Variants in ZFHX3 observed in about 807,000 individuals in gnomAD.
ZFHX3 encodes the protein zinc finger homeobox protein 3.
Under a neutral mutation model 279.1 loss-of-function variants are expected in ZFHX3, and 42 were observed. That is an observed-to-expected ratio of 0.15 (90% CI 0.12 to 0.19). ZFHX3 has a LOEUF of 0.19. Among genes scored for constraint, ZFHX3 ranks in the 10% least tolerant of loss-of-function variants. The probability of loss-of-function intolerance (pLI) is 1.00; values close to 1 mark genes in which losing one functional copy is unlikely to be tolerated. For synonymous variants in ZFHX3, 2,293 were observed against 1,957.8 expected (o/e 1.17, Z -4.52); for missense variants, 4,981 against 4,754.0 (o/e 1.05, Z -1.40).
At chr16:73,680,839 G>A (rs533397122) in intron 1 of ZFHX3, among the ~76,000 whole-genome samples, 9 of 152,296 alleles carry the variant, frequency 5.9e-5, no homozygotes, top group East Asian at 3.9e-4. Context: ...TCATCTGTGC[G>A]TGTGAGTGGG....
At chr16:73,046,704 C>T (rs1441975719) in intron 1 of ZFHX3, among the ~76,000 whole-genome samples, 1 of 152,134 alleles carries the variant, frequency 6.6e-6, no homozygotes, top group Non-Finnish European at 1.5e-5. Context: ...GATCTCAAAG[C>T]ATAGAGAGAA....
At chr16:73,075,373 C>T (rs919952489) in intron 8 of ZFHX3, among the ~76,000 whole-genome samples, 1 of 152,036 alleles carries the variant, frequency 6.6e-6, no homozygotes, top group Non-Finnish European at 1.5e-5. Flanking sequence ...TACTGCTGAG[C>T]CTGTGGGCTG....
At chr16:73,857,887 G>A (rs139970318) in intron 1 of ZFHX3, among the ~76,000 whole-genome samples, 111 of 152,162 alleles carry the variant, frequency 7.3e-4, no homozygotes, top group Non-Finnish European at 1.0e-3. Context: ...TGGATGGATC[G>A]CTTGAGGTCA....
At chr16:72,909,396 T>C (rs2039262519) in intron 3 of ZFHX3, among the ~76,000 whole-genome samples, 1 of 152,190 alleles carries the variant, frequency 6.6e-6, no homozygotes, top group Admixed American at 6.5e-5. Flanking sequence ...AATGGCTGGC[T>C]GTATTCCCTC....
chr16:73,373,144 G>T (rs1001574762), intron 3 of ZFHX3, among the ~76,000 whole-genome samples: 3 of 728 alleles, frequency 4.1e-3, no homozygotes, highest in Non-Finnish European at 9.0e-3. Flanking sequence ...AGGAGGTTTG[G>T]GGGGGGGGTG....
chr16:73,761,314 A>G (rs555823578), intron 1 of ZFHX3, among the ~76,000 whole-genome samples: 1 of 152,220 alleles, frequency 6.6e-6, no homozygotes, highest in South Asian at 2.1e-4. Flanking sequence ...AACTACAAAC[A>G]ACTGCTCAAG....
intron 2 of ZFHX3, among the ~76,000 whole-genome samples, chr16:73,618,016 A>C (rs2052322728): frequency 6.6e-6 from 1 of 152,184 alleles, no homozygotes; most frequent in Non-Finnish European, 1.5e-5. Context: ...TCATTAACTA[A>C]TGTTCAGGCA....
intron 3 of ZFHX3, among the ~76,000 whole-genome samples, chr16:73,382,822 T>C (rs559879835): frequency 6.6e-6 from 1 of 152,308 alleles, no homozygotes; most frequent in South Asian, 2.1e-4. Flanking sequence ...TGTGTGTCTC[T>C]GGTTGATGAA....
At chr16:73,480,185 A>G (rs1044977076) in intron 2 of ZFHX3, among the ~76,000 whole-genome samples, 26 of 149,870 alleles carry the variant, frequency 1.7e-4, no homozygotes, top group African/African-American at 4.4e-4. Flanking sequence ...TTCCTTCAGC[A>G]TTTGAAATGT....
chr16:72,798,510 A>G lies in ZFHX3; in HGVS notation c.4172T>C (p.Leu1391Pro). Residue 1391 changes from leucine to proline, a missense_variant, in exon 9 of 10, where the codon CTG becomes CCG. Physicochemically the swap from Leu to Pro is moderately conservative, Grantham distance 98. This residue lies in a region of ZFHX3 where 1,751 missense variants were observed against 1,770.0 expected (regional missense o/e 0.99). Transcript: ENST00000268489. ...GTACACATGGCGATCTGACACCGGC[A>G]GCTGAGGCCTCTTGGCATGCACTTC... ...FNEVHAKRPQ[L>P]PVSDRHVYKY... The G allele has an allele frequency of 1.2e-6, 2 of 1,614,244 alleles. No homozygotes were observed. The highest frequency in any genetic ancestry group is 1.7e-6 in the Non-Finnish European group (2 of 1,180,040).
At chr16:73,028,690 A>C (rs1366116126) in intron 1 of ZFHX3, among the ~76,000 whole-genome samples, 1 of 152,234 alleles carries the variant, frequency 6.6e-6, no homozygotes, top group Non-Finnish European at 1.5e-5. Context: ...CTCTCCAAGA[A>C]GCCCATGGTA....
At chr16:73,873,751 C>G (rs1314594780) in intron 1 of ZFHX3, among the ~76,000 whole-genome samples, 1 of 152,092 alleles carries the variant, frequency 6.6e-6, no homozygotes. Flanking sequence ...TTGATTTTTA[C>G]TCTCTCTTTA....
intron 3 of ZFHX3, among the ~76,000 whole-genome samples, chr16:73,350,055 A>T (rs78457921): frequency 6.6e-6 from 1 of 151,674 alleles, no homozygotes; most frequent in Non-Finnish European, 1.5e-5. Flanking sequence ...TTGTGTAGGG[A>T]AAGTCACCTT....
chr16:73,128,247 A>G (rs1230428775), intron 7 of ZFHX3, among the ~76,000 whole-genome samples: 3 of 152,168 alleles, frequency 2.0e-5, no homozygotes, highest in Non-Finnish European at 1.5e-5. Flanking sequence ...CTATTTCTTA[A>G]TCCACCCAAA....
chr16:73,518,448 G>A (rs2019559288), intron 2 of ZFHX3, among the ~76,000 whole-genome samples: 1 of 152,144 alleles, frequency 6.6e-6, no homozygotes, highest in Non-Finnish European at 1.5e-5. Context: ...CTTATCCACA[G>A]GTCCCTAACC....
At position 72,788,798 on chromosome 16, in the gene ZFHX3, G is replaced by A; in HGVS notation, c.9478C>T (p.Pro3160Ser). 1.3e-6 allele frequency: 2 copies of A among 1,543,728 alleles called. No homozygotes were observed. Among genetic ancestry groups the A allele is most frequent in the South Asian group, 1.3e-5 (1 of 77,804 alleles). Residue 3160 changes from proline (P) to serine (S), a missense_variant, in exon 10 of 10, where the codon CCT (proline) becomes TCT (serine). Coordinates refer to ENST00000268489, the MANE Select transcript of ZFHX3 (RefSeq NM_006885.4). ...CCAGAAGTGGGGAGGCCAGGGGAAGGAACAGTTGTGCTGGGCAGACCCATC... is the reference window on the plus strand; with the variant it reads ...CCAGAAGTGGGGAGGCCAGGGGAAGAAACAGTTGTGCTGGGCAGACCCATC... ...NLMGLPSTTV[P>S]SPGLPTSGLP...
At chr16:73,384,235 CATAT>C (rs2016861674) in intron 3 of ZFHX3, among the ~76,000 whole-genome samples, 1 of 152,220 alleles carries the variant, frequency 6.6e-6, no homozygotes, top group Non-Finnish European at 1.5e-5. Flanking sequence ...CCTGTGTTTA[CATAT>C]AGTCTATGGG....
chr16:73,210,095 A>G (rs1289348335), intron 5 of ZFHX3, among the ~76,000 whole-genome samples: 3 of 152,222 alleles, frequency 2.0e-5, no homozygotes, highest in African/African-American at 7.2e-5. Context: ...TATTCTGGCT[A>G]TGTTTGCATG....
intron 2 of ZFHX3, chr16:73,609,236 C>G (rs1368451250): frequency 1.3e-5 from 2 of 152,168 alleles, no homozygotes; most frequent in Admixed American, 1.3e-4. Flanking sequence ...CATCATCGCT[C>G]CATCATTTGA....
Sources: gnomAD v4.1 joint callset for allele counts (sites outside exome capture counted in the v4.1 genomes callset) on GRCh38, gnomAD v4.1.1 for gene constraint, gnomAD v4.1.1 regional missense constraint, MANE v1.5 for transcripts, NCBI Gene and HGNC (gene_info 2026-07-23, HGNC 2026-07-21) for gene names.